The following DNAH14 variants were observed in gnomAD, a reference collection of about 807,000 sequenced individuals.
DNAH14 encodes axonemal beta dynein heavy chain 14.
In DNAH14, 478 loss-of-function variants were observed where a neutral mutation model predicts 520.9. The ratio of observed to expected loss-of-function variants is 0.92; its 90% confidence interval spans 0.85 to 0.99. The LOEUF is 0.99. Among genes scored for constraint, DNAH14 ranks in the 50% least tolerant of loss-of-function variants. The probability of loss-of-function intolerance (pLI) is 0.00; values close to 1 mark genes in which losing one functional copy is unlikely to be tolerated. For synonymous variants in DNAH14, 1,581 were observed against 1,757.2 expected, an observed-to-expected ratio of 0.90 and a Z score of 2.51; for missense variants, 4,831 against 5,234.5, an observed-to-expected ratio of 0.92 and a Z score of 2.38.
chr1:225,399,008 A>G, intron 85 of DNAH14, 46 bp from the exon 86 acceptor site: 1 of 1,365,944 alleles, frequency 7.3e-7, no homozygotes, highest in Non-Finnish European at 1.0e-6. Context: ...CTACTGATTC[A>G]CTTGAACTAT....
intron 72 of DNAH14, among the ~76,000 whole-genome samples, chr1:225,353,212 G>C (rs754532765): frequency 2.6e-5 from 4 of 151,962 alleles, no homozygotes; most frequent in Admixed American, 6.6e-5. Flanking sequence ...AGTGTATCTG[G>C]GAGAGCTGGA....
intron 60 of DNAH14, among the ~76,000 whole-genome samples, chr1:225,316,634 G>A (rs908108889): frequency 1.2e-4 from 18 of 152,146 alleles, no homozygotes; most frequent in Non-Finnish European, 2.2e-4. Flanking sequence ...TGCTTCCTGG[G>A]TGAGGTGATG....
rs528638455 is a variant in DNAH14, at chr1:225,346,315, G to A, written c.11032G>A (p.Glu3678Lys). 3 of 1,540,448 alleles carry A rather than the reference G, an allele frequency of 1.9e-6. 1 individual carries two copies. The African/African-American group carries it at 4.2e-5, about 21-fold the overall frequency. The change falls in exon 70 of 86, where the codon GAG becomes AAG. Residue 3678 changes from glutamate to lysine, a missense_variant. Transcript: ENST00000682510. ...TTCAAAAGAACCCAACCTGGAAAATGAGAAAAATCTCTTAGATAAGCATAT... is the reference window on the plus strand; with the variant it reads ...TTCAAAAGAACCCAACCTGGAAAATAAGAAAAATCTCTTAGATAAGCATAT... Reference protein sequence around the residue: ...SISKEPNLENEKNLLDKHIKS... With the variant: ...SISKEPNLENKKNLLDKHIKS...
chr1:224,941,744 A>G (rs1280485988), intron 1 of DNAH14, among the ~76,000 whole-genome samples: 11 of 152,290 alleles, frequency 7.2e-5, no homozygotes. Context: ...CAGTTTTCCC[A>G]GCACCATTTA....
intron 19 of DNAH14, among the ~76,000 whole-genome samples, chr1:225,081,229 A>T (rs367758535): frequency 6.6e-6 from 1 of 152,166 alleles, no homozygotes; most frequent in East Asian, 1.9e-4. Context: ...TCCAAAAGGG[A>T]TATTTTGTTT....
chr1:225,363,489 C>A (rs2095516464), intron 75 of DNAH14, among the ~76,000 whole-genome samples: 1 of 152,180 alleles, frequency 6.6e-6, no homozygotes, highest in Non-Finnish European at 1.5e-5. Flanking sequence ...CTTGCCCTAA[C>A]CACCCAGGTA....
At chr1:225,341,600 A>C (rs758859036) in intron 69 of DNAH14, among the ~76,000 whole-genome samples, 2 of 152,188 alleles carry the variant, frequency 1.3e-5, no homozygotes, top group Non-Finnish European at 2.9e-5. Context: ...CAGGAGATGG[A>C]GGTTGCGGTG....
intron 34 of DNAH14, among the ~76,000 whole-genome samples, chr1:225,156,587 A>T (rs111632220): frequency 6.6e-5 from 10 of 152,196 alleles, no homozygotes; most frequent in African/African-American, 2.4e-4. Flanking sequence ...CAATGACTCA[A>T]AGGTAGACAC....
chr1:225,397,779 C>T (rs971974750), intron 84 of DNAH14: 4 of 152,274 alleles, frequency 2.6e-5, no homozygotes, highest in Admixed American at 1.3e-4. Flanking sequence ...GGCATGGTGG[C>T]TCACACCTGT....
chr1:225,039,186 GA>G (rs924488389), intron 12 of DNAH14, among the ~76,000 whole-genome samples: 54 of 151,618 alleles, frequency 3.6e-4, no homozygotes, highest in African/African-American at 1.3e-3. Context: ...AAAAATAATG[GA>G]AAAAAAGGGA....
At chr1:225,043,845 T>C (rs767701888) in intron 14 of DNAH14, 41 bp from the exon 15 acceptor site, 2 of 1,467,672 alleles carry the variant, frequency 1.4e-6, no homozygotes, top group Non-Finnish European at 1.9e-6. Flanking sequence ...TGGTAGTTAT[T>C]ATATTCCTCT....
intron 74 of DNAH14, among the ~76,000 whole-genome samples, chr1:225,358,875 G>A (rs1258579872): frequency 6.6e-6 from 1 of 152,120 alleles, no homozygotes; most frequent in African/African-American, 2.4e-5. Context: ...TTCCCCTCCT[G>A]GCACTCACTA....
In DNAH14 at chr1:224,929,800, A is replaced by G. The variant is rs2125308788; in HGVS notation, c.-69A>G. On this transcript the variant is annotated 5_prime_UTR_variant, in exon 1 of 86. Coordinates refer to ENST00000682510, the MANE Select transcript of DNAH14 (RefSeq NM_001367479.1). ...GGGCCGGACCTTCGCCGCTTCCAGG[A>G]AGGGCCACAACGGCCGTCGGACCAC... The G allele has an allele frequency of 1.4e-6, 1 of 699,936 alleles. No individual in the cohort carries two copies. The highest frequency in any genetic ancestry group is 1.7e-5 in the African/African-American group (1 of 57,246). The allele number at this position is 699,936 out of a possible 1,614,324, so 43.4% of individuals were successfully genotyped here. A position where few individuals can be genotyped will look rare whatever the true frequency, so the allele number is the denominator to read the frequency against.
intron 66 of DNAH14, among the ~76,000 whole-genome samples, chr1:225,335,131 G>A (rs570114351): frequency 1.1e-4 from 16 of 140,896 alleles, no homozygotes; most frequent in South Asian, 2.2e-4. Flanking sequence ...GTGTACATAT[G>A]TGCATGTGCA....
chr1:225,264,139 T>C, intron 46 of DNAH14, 58 bp from the exon 47 acceptor site: 1 of 1,381,892 alleles, frequency 7.2e-7, no homozygotes, highest in Non-Finnish European at 9.9e-7. Context: ...TGTTGTTGTT[T>C]AATATACCTA....
At chr1:225,176,430 G>A (rs777079603) in intron 36 of DNAH14, among the ~76,000 whole-genome samples, 1 of 152,140 alleles carries the variant, frequency 6.6e-6, no homozygotes, top group Non-Finnish European at 1.5e-5. Flanking sequence ...TGTTATATCT[G>A]TTGGGGGAAA....
intron 65 of DNAH14, among the ~76,000 whole-genome samples, chr1:225,332,982 C>T (rs2094834297): frequency 6.6e-6 from 1 of 152,000 alleles, no homozygotes; most frequent in African/African-American, 2.4e-5. Flanking sequence ...CCAGCCTAGG[C>T]TACTAAGAGA....
chr1:225,013,981 G>A (rs776491465), intron 10 of DNAH14, among the ~76,000 whole-genome samples: 1 of 152,038 alleles, frequency 6.6e-6, no homozygotes, highest in Non-Finnish European at 1.5e-5. Context: ...TCTCACTGGT[G>A]TTCCAGGTGC....
chr1:225,261,916 G>A lies in DNAH14; in HGVS notation c.7158-2281G>A, dbSNP rs191523630. On this transcript the variant is annotated intron_variant, in intron 46 of 85. Coordinates refer to ENST00000682510, the MANE Select transcript of DNAH14 (RefSeq NM_001367479.1). Reference sequence around the variant, plus strand: ...ATTTAAATGAGAAATTCTACCCATGGCCATACCACCCTGAAAGTGCCCAAT... The same window carrying A: ...ATTTAAATGAGAAATTCTACCCATGACCATACCACCCTGAAAGTGCCCAAT... 3.9e-3 allele frequency among the ~76,000 whole-genome samples: 587 copies of A among 151,916 alleles called. 3 individuals are homozygous for A. Among genetic ancestry groups the A allele is most frequent in the African/African-American group, 0.013 (557 of 41,444 alleles).
Sources: allele counts gnomAD v4.1 joint callset (sites outside exome capture counted in the v4.1 genomes callset), GRCh38; gene constraint gnomAD v4.1.1; transcripts MANE v1.5; gene names NCBI Gene and HGNC (gene_info 2026-07-23, HGNC 2026-07-21).